NCAPH: variants seen among roughly 807,000 people sequenced by gnomAD.
The protein encoded by NCAPH is condensin complex subunit 2.
Under a neutral mutation model 85.5 loss-of-function variants are expected in NCAPH, and 38 were observed. That is an observed-to-expected ratio of 0.44 (90% CI 0.34 to 0.58). The LOEUF is 0.58. NCAPH is among the 20% of genes least tolerant of loss of function. NCAPH has a pLI of 0.01. For missense variants in NCAPH, 789 were observed against 916.6 expected, an observed-to-expected ratio of 0.86 and a Z score of 1.80; for synonymous variants, 301 against 335.1, an observed-to-expected ratio of 0.90 and a Z score of 1.11.
chr2:96,369,363 G>A, intron 16 of NCAPH, 62 bp from the exon 17 acceptor site: 1 of 1,389,740 alleles, frequency 7.2e-7, no homozygotes, highest in Non-Finnish European at 1.0e-6. Context: ...ATTCATACTT[G>A]ATGAACGAGC....
intron 1 of NCAPH, among the ~76,000 whole-genome samples, chr2:96,340,045 C>A (rs933675834): frequency 6.6e-6 from 1 of 152,096 alleles, no homozygotes; most frequent in African/African-American, 2.4e-5. Flanking sequence ...GCCTCAGCCT[C>A]CCAAGTAGCT....
intron 6 of NCAPH, among the ~76,000 whole-genome samples, chr2:96,346,651 G>A (rs1029771429): frequency 1.3e-5 from 2 of 152,118 alleles, no homozygotes; most frequent in African/African-American, 2.4e-5. Flanking sequence ...GCCTGGTGGG[G>A]TCAAAGACTT....
intron 17 of NCAPH, among the ~76,000 whole-genome samples, chr2:96,370,598 A>G (rs538560145): frequency 1.3e-5 from 2 of 152,354 alleles, no homozygotes; most frequent in Non-Finnish European, 2.9e-5. Flanking sequence ...ACTGGAAGTC[A>G]GAGACCAATT....
rs1232820371 is a variant in NCAPH at position 96,376,831 on chromosome 2, C to T, written c.*3480C>T. Among the ~76,000 whole-genome samples the T allele has an allele frequency of 6.6e-6, 1 of 150,490 alleles. No homozygotes were observed. Among genetic ancestry groups the T allele is most frequent in the African/African-American group, 2.4e-5 (1 of 40,892 alleles). Reference sequence around the variant, plus strand: ...GGGAATTGGGGATCATTTATGGGTACCAAAAGAAAAAAAAATGAATAAGAT... The same window carrying T: ...GGGAATTGGGGATCATTTATGGGTATCAAAAGAAAAAAAAATGAATAAGAT... On this transcript the variant is annotated 3_prime_UTR_variant, in exon 18 of 18. Transcript: ENST00000240423.
chr2:96,367,575 G>A (rs559122784), intron 15 of NCAPH, among the ~76,000 whole-genome samples: 41 of 152,338 alleles, frequency 2.7e-4, no homozygotes, highest in Non-Finnish European at 5.0e-4. Context: ...TTGAGCCCAG[G>A]AGTTTGAGGT....
intron 3 of NCAPH, 87 bp downstream of exon 3, chr2:96,342,227 A>G (rs2064305721): frequency 2.5e-6 from 3 of 1,180,374 alleles, no homozygotes; most frequent in Non-Finnish European, 3.8e-6. Context: ...ATAATGCACA[A>G]TCAATGATGA....
chr2:96,364,583 G>A lies in NCAPH; in HGVS notation c.1690G>A (p.Gly564Arg), dbSNP rs780677901. Residue 564 changes from glycine (G) to arginine (R), a missense_variant, in exon 13 of 18, where the codon GGA becomes AGA. Transcript: ENST00000240423. ...NPNDTSNFCP[G>R]LQAADSDDED... The stretch of plus-strand genomic sequence containing the variant: ...TAACGACACCTCCAACTTTTGCCCT[G>A]GATTACAGGTAAAGGGGGGAAAGGG... The A allele has an allele frequency of 8.1e-6, 13 of 1,606,540 alleles. No individual in the cohort carries two copies. The South Asian group carries it at 1.2e-4, about 15-fold the overall frequency.
intron 10 of NCAPH, among the ~76,000 whole-genome samples, chr2:96,359,618 G>A (rs1178505285): frequency 6.6e-6 from 1 of 152,172 alleles, no homozygotes; most frequent in East Asian, 1.9e-4. Context: ...ATAAGCATCT[G>A]TTGTTTTATG....
intron 6 of NCAPH, among the ~76,000 whole-genome samples, chr2:96,345,346 G>A (rs1480008027): frequency 2.0e-5 from 3 of 152,170 alleles, no homozygotes; most frequent in Non-Finnish European, 4.4e-5. Flanking sequence ...GGGATTGTGT[G>A]CCCAGGACCC....
chr2:96,374,741 T>A lies in NCAPH; in HGVS notation c.*1390T>A, dbSNP rs1438138569. Among the ~76,000 whole-genome samples, 1 of 152,194 alleles carries A rather than the reference T, an allele frequency of 6.6e-6. No homozygotes were observed. Among genetic ancestry groups the A allele is most frequent in the Non-Finnish European group, 1.5e-5 (1 of 68,024 alleles). On this transcript the variant is annotated 3_prime_UTR_variant, in exon 18 of 18. Transcript: ENST00000240423. ...TGGTGCCACAGGTGAGACTCCACAC[T>A]CTGTCTTGCTGGGGCTGAAGCCTCC...
chr2:96,368,000 G>A (rs1207356692), intron 15 of NCAPH, among the ~76,000 whole-genome samples: 1 of 152,160 alleles, frequency 6.6e-6, no homozygotes, highest in African/African-American at 2.4e-5. Flanking sequence ...GAAGATAGTG[G>A]AAAAGTAATT....
In NCAPH at chr2:96,376,413, AAGGAC is replaced by A. The variant is rs1186197390; in HGVS notation, c.*3065_*3069del. Among the ~76,000 whole-genome samples, 3 of 152,336 alleles carry A rather than the reference AAGGAC, an allele frequency of 2.0e-5. No individual in the cohort carries two copies. In the East Asian group the frequency reaches 5.8e-4, roughly 29 times the overall value. On this transcript the variant is annotated 3_prime_UTR_variant, in exon 18 of 18. Transcript: ENST00000240423. ...CCAGGCATTACAAATTGAATTGAAC[AAGGAC>A]AGATATCTGAAGGGGGTTTGTAGTT...
chr2:96,361,795 T>C (rs1369596680), intron 12 of NCAPH, among the ~76,000 whole-genome samples: 1 of 120,612 alleles, frequency 8.3e-6, no homozygotes, highest in African/African-American at 3.0e-5. Flanking sequence ...CATATATATG[T>C]ATATATATGT....
chr2:96,374,219 G>A lies in NCAPH; in HGVS notation c.*868G>A, dbSNP rs1030006141. On this transcript the variant is annotated 3_prime_UTR_variant, in exon 18 of 18. Coordinates refer to ENST00000240423, the MANE Select transcript of NCAPH (RefSeq NM_015341.5). The stretch of plus-strand genomic sequence containing the variant: ...GGGCAGCCGGCAAACTGTCAGGGGT[G>A]GCCTGAGCCTGGCAATCTGCCTCCA... Among the ~76,000 whole-genome samples, 1 of 152,190 alleles carries A rather than the reference G, an allele frequency of 6.6e-6. No homozygotes were observed. The highest frequency in any genetic ancestry group is 6.5e-5 in the Admixed American group (1 of 15,276).
At chr2:96,360,962 T>C (rs1353499674) in intron 12 of NCAPH, among the ~76,000 whole-genome samples, 1 of 151,962 alleles carries the variant, frequency 6.6e-6, no homozygotes, top group Admixed American at 6.6e-5. Flanking sequence ...CATGCTGAAA[T>C]TCAGGGGGGC....
intron 9 of NCAPH, among the ~76,000 whole-genome samples, chr2:96,358,584 T>C (rs2064556280): frequency 6.6e-6 from 1 of 152,166 alleles, no homozygotes; most frequent in Admixed American, 6.5e-5. Flanking sequence ...TTCTCCTGCC[T>C]CAGCCTCCGG....
Position 96,369,500 on chromosome 2 carries a change from G to T in NCAPH, c.2166G>T (p.Lys722Asn), listed in dbSNP as rs934847341. The change falls in exon 17 of 18, where the codon AAG becomes AAT. Residue 722 changes from lysine to asparagine, a missense_variant and splice_region_variant. By Grantham distance (94) the Lys-to-Asn change is moderately conservative. Coordinates refer to ENST00000240423, the MANE Select transcript of NCAPH (RefSeq NM_015341.5). ...GTCTCCTACATTTAGCCAATGAAAA[G>T]GTAGGTAATTAAGGTAAGCATGGGA... Reference protein sequence around the residue: ...FACLLHLANEKNLKLEGTEDL... With the variant: ...FACLLHLANENNLKLEGTEDL... 6.2e-7 allele frequency: 1 copy of T among 1,612,946 alleles called. No homozygotes were observed. The highest frequency in any genetic ancestry group is 8.5e-7 in the Non-Finnish European group (1 of 1,179,084).
intron 9 of NCAPH, among the ~76,000 whole-genome samples, chr2:96,355,289 G>T (rs766048380): frequency 1.3e-5 from 2 of 152,150 alleles, no homozygotes; most frequent in Non-Finnish European, 2.9e-5. Context: ...GGGGGTAGGA[G>T]ATTTCATGAG....
At chr2:96,366,164 T>G in intron 14 of NCAPH, 106 bp downstream of exon 14, 1 of 1,287,818 alleles carries the variant, frequency 7.8e-7, no homozygotes, top group Non-Finnish European at 1.1e-6. Context: ...CTTCTCAGTT[T>G]TAACCTGTTG....
Sources: allele counts gnomAD v4.1 joint callset (sites outside exome capture counted in the v4.1 genomes callset), GRCh38; gene constraint gnomAD v4.1.1; transcripts MANE v1.5; gene names NCBI Gene and HGNC (gene_info 2026-07-23, HGNC 2026-07-21).